FER: variants seen among roughly 807,000 people sequenced by gnomAD.
The protein encoded by FER is FER tyrosine kinase.
Under a neutral mutation model 111.0 loss-of-function variants are expected in FER, and 63 were observed. The ratio of observed to expected loss-of-function variants is 0.57; its 90% CI spans 0.46 to 0.70. The LOEUF is 0.70. Among genes scored for constraint, FER ranks in the 30% least tolerant of loss-of-function variants. FER has a pLI of 0.00. For synonymous variants in FER, 327 were observed against 313.9 expected (o/e 1.04, Z -0.44); for missense variants, 914 against 954.0 (o/e 0.96, Z 0.55).
At chr5:109,051,317 T>A (rs1772768534) in intron 16 of FER, 1 of 1,574,436 alleles carries the variant, frequency 6.4e-7, no homozygotes, top group Non-Finnish European at 8.7e-7. Flanking sequence ...TGTATCTAGA[T>A]CTCCAGGTCA....
chr5:108,914,747 G>A (rs1457953242), intron 10 of FER, among the ~76,000 whole-genome samples: 2 of 152,178 alleles, frequency 1.3e-5, no homozygotes, highest in Non-Finnish European at 2.9e-5. Flanking sequence ...TGCTGGAAGG[G>A]AAGGTGAGAA....
At chr5:109,121,950 T>C (rs1175256775) in intron 17 of FER, among the ~76,000 whole-genome samples, 5 of 152,120 alleles carry the variant, frequency 3.3e-5, no homozygotes, top group Non-Finnish European at 5.9e-5. Flanking sequence ...TGTTTCCTTT[T>C]TCATTTTCAA....
chr5:109,027,390 A>G (rs141375779), intron 13 of FER, among the ~76,000 whole-genome samples: 1 of 152,312 alleles, frequency 6.6e-6, no homozygotes, highest in East Asian at 1.9e-4. Flanking sequence ...ACATGGAAGC[A>G]AGAACTTCTA....
intron 16 of FER, among the ~76,000 whole-genome samples, chr5:109,084,970 T>C (rs1181171716): frequency 6.6e-6 from 1 of 151,838 alleles, no homozygotes; most frequent in Non-Finnish European, 1.5e-5. Flanking sequence ...AACCGTACTT[T>C]CTTGATTGAA....
At chr5:109,094,172 G>GC (rs1747180904) in intron 16 of FER, among the ~76,000 whole-genome samples, 1 of 132,574 alleles carries the variant, frequency 7.5e-6, no homozygotes, top group Non-Finnish European at 1.7e-5. Flanking sequence ...CACCTTTCCA[G>GC]CTTTTTTTTT....
intron 17 of FER, among the ~76,000 whole-genome samples, chr5:109,163,094 C>G (rs764109682): frequency 5.7e-4 from 86 of 152,014 alleles, no homozygotes; most frequent in Non-Finnish European, 1.2e-4. Flanking sequence ...GCTATGATCT[C>G]TAATGTCTAA....
At chr5:109,107,421 T>G (rs6884133) in intron 17 of FER, among the ~76,000 whole-genome samples, 5,182 of 152,180 alleles carry the variant, frequency 0.034, 145 homozygotes, top group South Asian at 0.084. Flanking sequence ...ACAGATTGTT[T>G]CATTATCCAC....
intron 10 of FER, among the ~76,000 whole-genome samples, chr5:108,939,691 C>A (rs1407724530): frequency 6.6e-6 from 1 of 151,954 alleles, no homozygotes; most frequent in Non-Finnish European, 1.5e-5. Flanking sequence ...AATATTATAA[C>A]CACCATCTTT....
chr5:108,977,455 A>G (rs76213595), intron 13 of FER, among the ~76,000 whole-genome samples: 78 of 152,256 alleles, frequency 5.1e-4, no homozygotes, highest in East Asian at 4.8e-3. Context: ...AATATTTTCC[A>G]ATGTATTTAA....
intron 3 of FER, among the ~76,000 whole-genome samples, chr5:108,825,370 T>G (rs1759351780): frequency 1.3e-5 from 2 of 152,228 alleles, no homozygotes; most frequent in African/African-American, 4.8e-5. Flanking sequence ...CGTTCCATGC[T>G]GAAAGAAAGA....
intron 13 of FER, among the ~76,000 whole-genome samples, chr5:109,006,574 C>G (rs1765530795): frequency 6.6e-6 from 1 of 152,148 alleles, no homozygotes; most frequent in Non-Finnish European, 1.5e-5. Flanking sequence ...TAGAGTAATA[C>G]AAGCAGTAAG....
At chr5:109,070,567 T>C (rs187154330) in intron 16 of FER, among the ~76,000 whole-genome samples, 2 of 152,054 alleles carry the variant, frequency 1.3e-5, no homozygotes, top group Non-Finnish European at 2.9e-5. Context: ...ATTTTACTGA[T>C]GGAAAAATAT....
intron 13 of FER, among the ~76,000 whole-genome samples, chr5:108,997,679 T>C (rs1437033896): frequency 1.3e-5 from 2 of 152,156 alleles, no homozygotes; most frequent in African/African-American, 4.8e-5. Context: ...TCCGCTGCTC[T>C]CTTCAGAGCC....
intron 13 of FER, among the ~76,000 whole-genome samples, chr5:109,027,774 G>C (rs1768965773): frequency 6.6e-6 from 1 of 152,076 alleles, no homozygotes; most frequent in Non-Finnish European, 1.5e-5. Context: ...GAACAAAGGA[G>C]ACGTTGCTTA....
chr5:108,902,164 C>T (rs1417473822), intron 10 of FER, among the ~76,000 whole-genome samples: 1 of 151,936 alleles, frequency 6.6e-6, no homozygotes. Flanking sequence ...TGAACTTTGG[C>T]AGTACTCTAT....
chr5:108,845,165 T>C (rs554334893), intron 5 of FER, among the ~76,000 whole-genome samples: 2 of 147,940 alleles, frequency 1.4e-5, no homozygotes, highest in Non-Finnish European at 3.0e-5. Flanking sequence ...TAGTAGACTT[T>C]TGTTTTGTTT....
Position 108,867,895 on chromosome 5 carries a change from C to T in FER, c.610C>T (p.Leu204Phe). 6.2e-7 allele frequency: 1 copy of T among 1,613,200 alleles called. No homozygotes were observed. The highest frequency in any genetic ancestry group is 1.7e-4 in the Middle Eastern group (1 of 6,058). Residue 204 changes from leucine (L) to phenylalanine (F), a missense_variant, in exon 6 of 20, where the codon CTT becomes TTT. This residue lies in a region of FER where 774 missense variants were observed against 782.6 expected (regional missense o/e 0.99). Transcript: ENST00000281092. ...TCAGAATCAGTATTATGATATCACA[C>T]TTCCCCTGCTTCTGGACTCCTTACA... is the stretch of plus-strand genomic sequence containing the variant. ...LHQNQYYDIT[L>F]PLLLDSLQKM...
At chr5:109,159,526 G>C (rs922962825) in intron 17 of FER, among the ~76,000 whole-genome samples, 12 of 152,108 alleles carry the variant, frequency 7.9e-5, no homozygotes, top group Non-Finnish European at 1.3e-4. Context: ...TTATTAGAGA[G>C]ACAATACATG....
chr5:109,000,790 A>G (rs1367404353), intron 13 of FER, among the ~76,000 whole-genome samples: 1 of 152,192 alleles, frequency 6.6e-6, no homozygotes, highest in African/African-American at 2.4e-5. Flanking sequence ...GAGAGGAATC[A>G]AATAGACACA....
Sources: allele counts gnomAD v4.1 joint callset (sites outside exome capture counted in the v4.1 genomes callset), GRCh38; gene constraint gnomAD v4.1.1; regional missense constraint gnomAD v4.1.1; transcripts MANE v1.5; gene names NCBI Gene and HGNC (gene_info 2026-07-23, HGNC 2026-07-21).